SLC24A2: variants seen among roughly 807,000 people sequenced by gnomAD.
The protein encoded by SLC24A2 is solute carrier family 24 member 2.
A neutral mutation model predicts 62.0 loss-of-function variants in SLC24A2; 36 were observed. The observed-to-expected ratio is 0.58, with a 90% CI of 0.44 to 0.77. SLC24A2 has a LOEUF of 0.77. SLC24A2 is among the 30% of genes least tolerant of loss of function. The pLI, the probability that SLC24A2 is intolerant of heterozygous loss-of-function variation, is 0.00. For synonymous variants in SLC24A2, 358 were observed against 294.0 expected, an observed-to-expected ratio of 1.22 and a Z score of -2.23; for missense variants, 846 against 817.9, an observed-to-expected ratio of 1.03 and a Z score of -0.42.
chr9:19,855,592 T>C, the SLC24A2 span, among the ~76,000 whole-genome samples: 3 of 152,224 alleles, frequency 2.0e-5, no homozygotes, highest in Non-Finnish European at 4.4e-5. Context: ...GAAATTCTTT[T>C]CTTCAAGAAT....
chr9:20,185,052 A>G, the SLC24A2 span, among the ~76,000 whole-genome samples: 1 of 152,188 alleles, frequency 6.6e-6, no homozygotes, highest in African/African-American at 2.4e-5. Flanking sequence ...AGCTGAACTT[A>G]CGCAAGCAGA....
intron 2 of SLC24A2, among the ~76,000 whole-genome samples, chr9:19,652,266 C>A (rs1818823410): frequency 6.6e-6 from 1 of 152,090 alleles, no homozygotes; most frequent in Non-Finnish European, 1.5e-5. Context: ...CCATGGTAGG[C>A]TGAATACTGG....
chr9:19,545,535 G>A lies in SLC24A2; in HGVS notation c.1479+4602C>T, dbSNP rs188508596. Among the ~76,000 whole-genome samples, 131 of 152,088 alleles carry A rather than the reference G, an allele frequency of 8.6e-4. 1 individual carries two copies. The highest frequency in any genetic ancestry group is 2.1e-4 in the Non-Finnish European group (14 of 67,980). On this transcript the variant is annotated intron_variant, in intron 8 of 10. Transcript: ENST00000341998. ...TTTTTGGAATTTTCAGCCTTTTTGC[G>A]CGGGTTTCTCCCCATCTTAGTGAAT... is the stretch of plus-strand genomic sequence containing the variant.
chr9:20,109,509 T>C, the SLC24A2 span, among the ~76,000 whole-genome samples: 1 of 152,190 alleles, frequency 6.6e-6, no homozygotes, highest in African/African-American at 2.4e-5. Flanking sequence ...AGAGAGTGTG[T>C]ATGTGACCAG....
the SLC24A2 span, among the ~76,000 whole-genome samples, chr9:20,299,984 G>A: frequency 1.3e-5 from 2 of 152,320 alleles, no homozygotes; most frequent in East Asian, 3.9e-4. Context: ...ACCAGGATCT[G>A]CTTTTTAAGC....
chr9:19,542,045 T>G (rs1258424815), intron 8 of SLC24A2, among the ~76,000 whole-genome samples: 1 of 152,222 alleles, frequency 6.6e-6, no homozygotes, highest in Admixed American at 6.5e-5. Flanking sequence ...GGTGAGGCAA[T>G]GCCTCGCCCT....
the SLC24A2 span, among the ~76,000 whole-genome samples, chr9:20,076,173 A>G: frequency 6.6e-6 from 1 of 152,160 alleles, no homozygotes; most frequent in Non-Finnish European, 1.5e-5. Flanking sequence ...GGCCGGCTAC[A>G]TGACACATAA....
chr9:20,067,604 T>G, the SLC24A2 span, among the ~76,000 whole-genome samples: 1 of 152,118 alleles, frequency 6.6e-6, no homozygotes, highest in Non-Finnish European at 1.5e-5. Context: ...TACTCAATGT[T>G]TAGCTCCCAC....
In SLC24A2 at chr9:19,671,978, C is replaced by A. The variant is rs535247004; in HGVS notation, c.931-49679G>T. 2.9e-4 allele frequency among the ~76,000 whole-genome samples: 42 copies of A among 145,952 alleles called. 10 individuals carry two copies. Among genetic ancestry groups the A allele is most frequent in the African/African-American group, 1.1e-3 (41 of 36,904 alleles). ...GCTAGTATTTTGTTAAGGATTTTTGCATCTATATTCATCAGGGATATTGGT... is the reference window on the plus strand; with the variant it reads ...GCTAGTATTTTGTTAAGGATTTTTGAATCTATATTCATCAGGGATATTGGT... On this transcript the variant is annotated intron_variant, in intron 2 of 10. Coordinates refer to ENST00000341998, the MANE Select transcript of SLC24A2 (RefSeq NM_020344.4).
the SLC24A2 span, among the ~76,000 whole-genome samples, chr9:19,905,981 T>C: frequency 1.2e-4 from 19 of 152,130 alleles, no homozygotes; most frequent in Admixed American, 8.5e-4. Flanking sequence ...GCAGACCTAA[T>C]AGACATCTAC....
the SLC24A2 span, among the ~76,000 whole-genome samples, chr9:19,851,025 A>ATG: frequency 7.5e-5 from 4 of 53,250 alleles, no homozygotes; most frequent in African/African-American, 3.4e-4. Context: ...ATATATATAC[A>ATG]TATTTTTTTT....
chr9:19,510,451 A>G lies in SLC24A2; in HGVS notation c.*5702T>C, dbSNP rs1589107516. 1 of 151,442 alleles carries G rather than the reference A, an allele frequency of 6.6e-6. No homozygotes were observed. Among genetic ancestry groups the G allele is most frequent in the African/African-American group, 2.4e-5 (1 of 41,410 alleles). The allele number at this position is 151,442 out of a possible 1,614,324, so 9.4% of individuals were successfully genotyped here. A position where few individuals can be genotyped will look rare whatever the true frequency, so the allele number is the denominator to read the frequency against. On this transcript the variant is annotated 3_prime_UTR_variant, in exon 11 of 11. Coordinates refer to ENST00000341998, the MANE Select transcript of SLC24A2 (RefSeq NM_020344.4). The stretch of plus-strand genomic sequence containing the variant: ...ACTTTTTGCCAAAAAAAAAAAAAAA[A>G]AAAAAAAAAGTTAAGTCATTAAGTG...
rs1823186068 is a variant in SLC24A2, at chr9:19,786,718, C to G, written c.149G>C (p.Ser50Thr). The G allele has an allele frequency of 6.2e-7, 1 of 1,609,212 alleles. No homozygotes were observed. The highest frequency in any genetic ancestry group is 8.5e-7 in the Non-Finnish European group (1 of 1,177,222). Residue 50 changes from serine to threonine, a missense_variant, in exon 2 of 11, where the codon AGC becomes ACC. By Grantham distance (58) the Ser-to-Thr change is moderately conservative. Coordinates refer to ENST00000341998, the MANE Select transcript of SLC24A2 (RefSeq NM_020344.4). This position sits in a 1 kb window ranked among gnomAD's most constrained non-coding sequence, Gnocchi z 5.0. ...GGCACTGATTGAAAATGAGACAGTG[C>G]TAATGGCTACCAGACCCATGAAAAG... Reference protein sequence around the residue: ...LGLFMGLVAISTVSFSISAFS... With the variant: ...LGLFMGLVAITTVSFSISAFS...
chr9:19,523,007 G>A (rs906912583), intron 9 of SLC24A2, among the ~76,000 whole-genome samples: 4 of 152,118 alleles, frequency 2.6e-5, no homozygotes, highest in Admixed American at 6.5e-5. Context: ...TTCTTGGAGG[G>A]AATTCTAAAG....
At chr9:19,563,827 TCCCTCCCTCCCTCCC>T (rs1563968828) in intron 7 of SLC24A2, among the ~76,000 whole-genome samples, 3 of 75,080 alleles carry the variant, frequency 4.0e-5, no homozygotes, top group African/African-American at 1.6e-4. Context: ...CCTTCCTTCC[TCCCTCCCTCCCTCCC>T]TCCCTCCCTC....
chr9:19,651,855 C>A (rs892628415), intron 2 of SLC24A2, among the ~76,000 whole-genome samples: 1 of 152,182 alleles, frequency 6.6e-6, no homozygotes, highest in Non-Finnish European at 1.5e-5. Context: ...CTATGACATG[C>A]GCCGCAGGCT....
At chr9:19,634,596 A>G (rs1818266448) in intron 2 of SLC24A2, among the ~76,000 whole-genome samples, 1 of 152,136 alleles carries the variant, frequency 6.6e-6, no homozygotes, top group African/African-American at 2.4e-5. Flanking sequence ...CCAAAACCAC[A>G]GCCTCTTAAT....
the SLC24A2 span, among the ~76,000 whole-genome samples, chr9:19,920,983 A>C: frequency 6.6e-6 from 1 of 150,450 alleles, no homozygotes; most frequent in Admixed American, 6.6e-5. Flanking sequence ...CATATTACCT[A>C]CCCTCATAGG....
At chr9:19,993,939 A>G in the SLC24A2 span, among the ~76,000 whole-genome samples, 1 of 152,164 alleles carries the variant, frequency 6.6e-6, no homozygotes, top group East Asian at 1.9e-4. Flanking sequence ...AGACCCCACT[A>G]TTGCTGAGCA....
Sources: gnomAD v4.1 joint callset for allele counts (sites outside exome capture counted in the v4.1 genomes callset) on GRCh38, gnomAD v4.1.1 for gene constraint, Gnocchi (gnomAD v3.1) non-coding constraint, MANE v1.5 for transcripts, NCBI Gene and HGNC (gene_info 2026-07-23, HGNC 2026-07-21) for gene names.